CYBA: variants seen among roughly 807,000 people sequenced by gnomAD.
CYBA encodes cytochrome b-245 alpha chain.
CYBA carries 21 observed loss-of-function variants against 20.8 expected under a neutral mutation model. That is an observed-to-expected ratio of 1.01 (90% confidence interval 0.72 to 1.46). The LOEUF is 1.46. Ranked by LOEUF, CYBA falls within the 40% of genes most tolerant of loss-of-function variation. The pLI is 0.00. For synonymous variants in CYBA, 164 were observed against 127.5 expected, an observed-to-expected ratio of 1.29 and a Z score of -1.93; for missense variants, 344 against 287.0, an observed-to-expected ratio of 1.20 and a Z score of -1.43.
intron 5 of CYBA, 129 bp downstream of exon 5, chr16:88,645,987 G>T: frequency 1.3e-6 from 1 of 786,690 alleles, no homozygotes; most frequent in Non-Finnish European, 2.1e-6. Context: ...CACACGCCCA[G>T]GCTCACACTT....
At chr16:88,646,873 G>C in intron 3 of CYBA, 35 bp from the exon 4 acceptor site, 3 of 1,561,954 alleles carry the variant, frequency 1.9e-6, no homozygotes, top group Non-Finnish European at 2.6e-6. Flanking sequence ...GGCGCGGCTG[G>C]GCCTCTCCCA....
chr16:88,646,655 G>C (rs1907293852), intron 4 of CYBA, 100 bp downstream of exon 4: 3 of 1,015,880 alleles, frequency 3.0e-6, no homozygotes, highest in African/African-American at 1.6e-5. Context: ...TGAGGTAAGT[G>C]GGGGTGGCTC....
intron 1 of CYBA, among the ~76,000 whole-genome samples, chr16:88,649,743 G>A (rs921359939): frequency 1.3e-5 from 2 of 152,226 alleles, no homozygotes; most frequent in Non-Finnish European, 2.9e-5. Flanking sequence ...CGGAGAGCCG[G>A]GAGGCCAGGG....
Position 88,646,808 on chromosome 16 carries a change from C to G in CYBA, c.234G>C (p.Lys78Asn). 6.2e-7 allele frequency: 1 copy of G among 1,613,998 alleles called. No homozygotes were observed. Among genetic ancestry groups the G allele is most frequent in the South Asian group, 1.1e-5 (1 of 91,082 alleles). Reference protein sequence around the residue: ...WGQKYMTAVVKLFGPFTRNYY... With the variant: ...WGQKYMTAVVNLFGPFTRNYY... ...AATTCCTGGTAAAGGGCCCGAACAG[C>G]TTCACCACGGCGGTCATGTACTTCT... Residue 78 changes from lysine (K) to asparagine (N), a missense_variant, in exon 4 of 6, where the codon AAG becomes AAC. Physicochemically the swap from Lys to Asn is moderately conservative, Grantham distance 94. Transcript: ENST00000261623.
rs774384826 is a variant in CYBA, at chr16:88,648,057, C to T, written c.116G>A (p.Gly39Asp). The T allele has an allele frequency of 5.6e-6, 9 of 1,612,796 alleles. No individual in the cohort carries two copies. Among genetic ancestry groups the T allele is most frequent in the South Asian group, 1.1e-5 (1 of 90,880 alleles). The change falls in exon 2 of 6, where the codon GGT (glycine) becomes GAT (aspartate). Residue 39 changes from glycine (G) to aspartate (D), a missense_variant. Coordinates refer to ENST00000261623, the MANE Select transcript of CYBA (RefSeq NM_000101.4). The part of the protein sequence containing the change: ...TAGRFTQWYF[G>D]AYSIVAGVFV... ...GGTGGAAGGATACATGGAGTAGGCA[C>T]CAAAGTACCACTGGGTGAAGCGCCC...
Position 88,643,420 on chromosome 16 carries a change from A to C in CYBA, c.521T>G (p.Val174Gly), listed in dbSNP as rs1049254. 3.3e-6 allele frequency: 5 copies of C among 1,531,980 alleles called. No individual in the cohort carries two copies. The highest frequency in any genetic ancestry group is 3.5e-6 in the Non-Finnish European group (4 of 1,142,180). 94.9% of individuals were successfully genotyped at this position (1,531,980 alleles called of 1,614,324 possible). Residue 174 changes from valine to glycine, a missense_variant, in exon 6 of 6, where the codon GTG becomes GGG. Coordinates refer to ENST00000261623, the MANE Select transcript of CYBA (RefSeq NM_000101.4). The surrounding 1 kb of genome is among the most constrained non-coding windows in gnomAD (Gnocchi z 4.3). The part of the protein sequence containing the change: ...RKKPSEEEAA[V>G]AAGGPPGGPQ... Reference sequence around the variant, plus strand: ...ACCTCCCGGGGGTCCCCCCGCCGCCACCGCAGCCTCCTCCTCGCTGGGCTT... The same window carrying C: ...ACCTCCCGGGGGTCCCCCCGCCGCCCCCGCAGCCTCCTCCTCGCTGGGCTT...
chr16:88,643,956 C>T lies in CYBA; in HGVS notation c.370-385G>A, dbSNP rs1907184765. On this transcript the variant is annotated intron_variant, in intron 5 of 5. Coordinates refer to ENST00000261623, the MANE Select transcript of CYBA (RefSeq NM_000101.4). The surrounding 1 kb of genome is among the most constrained non-coding windows in gnomAD (Gnocchi z 4.3). ...GGGTGGCCCAGGAGAGTAGCAGGCC[C>T]TGCTCCGTCTGGTGGGCGCCATTCA... Among the ~76,000 whole-genome samples, 1 of 152,168 alleles carries T rather than the reference C, an allele frequency of 6.6e-6. No homozygotes were observed. Among genetic ancestry groups the T allele is most frequent in the African/African-American group, 2.4e-5 (1 of 41,432 alleles).
At chr16:88,644,289 T>C (rs1376488432) in intron 5 of CYBA, among the ~76,000 whole-genome samples, 1 of 152,096 alleles carries the variant, frequency 6.6e-6, no homozygotes, top group African/African-American at 2.4e-5. Context: ...AAAGCAAAAC[T>C]AGAAGGCTGA....
chr16:88,644,234 A>G (rs538089789), intron 5 of CYBA, among the ~76,000 whole-genome samples: 21 of 152,374 alleles, frequency 1.4e-4, no homozygotes, highest in African/African-American at 5.0e-4. Context: ...GAAACTGGAC[A>G]TGTGTGATCC....
Position 88,643,898 on chromosome 16 carries a change from A to G in CYBA, c.370-327T>C, listed in dbSNP as rs1461504833. The stretch of plus-strand genomic sequence containing the variant: ...CCTCTCAAGGTGCCAAGGGCAGGGA[A>G]GGCAGGGAGGCAGGCCCGAGGTCCA... On this transcript the variant is annotated intron_variant, in intron 5 of 5. Transcript: ENST00000261623. This position sits in a 1 kb window ranked among gnomAD's most constrained non-coding sequence, Gnocchi z 4.3. 6.6e-6 allele frequency among the ~76,000 whole-genome samples: 1 copy of G among 152,200 alleles called. No individual in the cohort carries two copies. The highest frequency in any genetic ancestry group is 1.5e-5 in the Non-Finnish European group (1 of 68,034).
chr16:88,645,879 G>A, intron 5 of CYBA: 1 of 587,176 alleles, frequency 1.7e-6, no homozygotes, highest in South Asian at 2.0e-5. Context: ...TCCCAGGGCT[G>A]TGGTGCGGGT....
intron 1 of CYBA, among the ~76,000 whole-genome samples, chr16:88,648,520 C>T (rs1434275078): frequency 1.3e-5 from 2 of 152,184 alleles, no homozygotes; most frequent in Non-Finnish European, 2.9e-5. Flanking sequence ...ATACGGAGTT[C>T]CTCTTAACCC....
rs188786355 is a variant in CYBA at position 88,648,839 on chromosome 16, G to A, written c.59-725C>T. On this transcript the variant is annotated intron_variant, in intron 1 of 5. Transcript: ENST00000261623. ...TCACCACATTGGCCAGGCTGGTCTC[G>A]AACTCCTGACCTCAGGGAATCCGCC... is the stretch of plus-strand genomic sequence containing the variant. Among the ~76,000 whole-genome samples the A allele has an allele frequency of 2.0e-4, 30 of 151,866 alleles. No homozygotes were observed. In the East Asian group the frequency reaches 4.3e-3, roughly 22 times the overall value.
chr16:88,646,774 G>C lies in CYBA; in HGVS notation c.268C>G (p.Arg90Gly), dbSNP rs179363892. Residue 90 changes from arginine (R) to glycine (G), a missense_variant, in exon 4 of 6, where the codon CGG (arginine) becomes GGG (glycine). Coordinates refer to ENST00000261623, the MANE Select transcript of CYBA (RefSeq NM_000101.4). The part of the protein sequence containing the change: ...FGPFTRNYYV[R>G]AVLHLLLSVP... ...ACTCACAGGAGATGCAGGACGGCCCGAACATAGTAATTCCTGGTAAAGGGC... is the reference window on the plus strand; with the variant it reads ...ACTCACAGGAGATGCAGGACGGCCCCAACATAGTAATTCCTGGTAAAGGGC... 5 of 1,613,868 alleles carry C rather than the reference G, an allele frequency of 3.1e-6. No individual in the cohort carries two copies. In the South Asian group the frequency reaches 3.3e-5, roughly 11 times the overall value.
chr16:88,650,025 G>A (rs886079866), intron 1 of CYBA, among the ~76,000 whole-genome samples: 1 of 152,146 alleles, frequency 6.6e-6, no homozygotes, highest in East Asian at 1.9e-4. Context: ...GCAGGGCCCC[G>A]TCCTCCAGCC....
At chr16:88,645,952 C>A (rs965661282) in intron 5 of CYBA, 164 bp downstream of exon 5, 6 of 631,924 alleles carry the variant, frequency 9.5e-6, no homozygotes, top group South Asian at 5.6e-5. Context: ...CAGCAGCAAC[C>A]GCTGCGTCCC....
Position 88,643,845 on chromosome 16 carries a change from C to T in CYBA, c.370-274G>A, listed in dbSNP as rs1270712295. ...TGGAAGATCCCGTGGTGGACACTCC[C>T]AGATGCAAATTCTAGTACTCAAATT... On this transcript the variant is annotated intron_variant, in intron 5 of 5. Transcript: ENST00000261623. This position sits in a 1 kb window ranked among gnomAD's most constrained non-coding sequence, Gnocchi z 4.3. 1.3e-5 allele frequency among the ~76,000 whole-genome samples: 2 copies of T among 152,236 alleles called. No individual in the cohort carries two copies. The highest frequency in any genetic ancestry group is 1.5e-5 in the Non-Finnish European group (1 of 68,036).
At chr16:88,645,472 G>A in intron 5 of CYBA, 1 of 697,830 alleles carries the variant, frequency 1.4e-6, no homozygotes. Flanking sequence ...TGAGGGCTCT[G>A]TCCACCCAGA....
At chr16:88,645,148 C>T (rs189119906) in intron 5 of CYBA, 5 of 700,944 alleles carry the variant, frequency 7.1e-6, no homozygotes, top group African/African-American at 5.2e-5. Context: ...GAATTCCTCC[C>T]GAGGTCTCCA....
Sources: allele counts gnomAD v4.1 joint callset (sites outside exome capture counted in the v4.1 genomes callset), GRCh38; gene constraint gnomAD v4.1.1; non-coding constraint Gnocchi (gnomAD v3.1); transcripts MANE v1.5; gene names NCBI Gene and HGNC (gene_info 2026-07-23, HGNC 2026-07-21).